Variants in ZFYVE28 observed in about 807,000 individuals in gnomAD.
The protein encoded by ZFYVE28 is zinc finger FYVE-type containing 28, also known as lateral signaling target protein 2 homolog.
Under a neutral mutation model 82.1 loss-of-function variants are expected in ZFYVE28, and 40 were observed. The observed-to-expected ratio is 0.49, with a 90% CI of 0.38 to 0.63. ZFYVE28 has a LOEUF of 0.63. ZFYVE28 is among the 30% of genes least tolerant of loss of function. The pLI, the probability that ZFYVE28 is intolerant of heterozygous loss-of-function variation, is 0.00. For synonymous variants in ZFYVE28, 612 were observed against 546.1 expected (o/e 1.12, Z -1.68); for missense variants, 1,321 against 1,242.1 (o/e 1.06, Z -0.96).
chr4:2,321,887 C>T lies in ZFYVE28; in HGVS notation c.702-1616G>A, dbSNP rs1057076201. Among the ~76,000 whole-genome samples the T allele has an allele frequency of 1.4e-4, 21 of 152,220 alleles. No homozygotes were observed. In the East Asian group the frequency reaches 3.9e-3, roughly 28 times the overall value. On this transcript the variant is annotated intron_variant, in intron 6 of 12. Coordinates refer to ENST00000290974, the MANE Select transcript of ZFYVE28 (RefSeq NM_020972.3). ...GGACCCAGCTGCCCCCCAGGGCAGTCAGCAGGAGTGGGGGGACAAGGCCCA... is the reference window on the plus strand; with the variant it reads ...GGACCCAGCTGCCCCCCAGGGCAGTTAGCAGGAGTGGGGGGACAAGGCCCA...
intron 1 of ZFYVE28, among the ~76,000 whole-genome samples, chr4:2,411,478 GT>G (rs1732516515): frequency 6.6e-6 from 1 of 151,928 alleles, no homozygotes; most frequent in Non-Finnish European, 1.5e-5. Flanking sequence ...CAATATCTAA[GT>G]TTTTTTTGCA....
intron 8 of ZFYVE28, among the ~76,000 whole-genome samples, chr4:2,291,060 G>C (rs1046925750): frequency 6.6e-6 from 1 of 152,214 alleles, no homozygotes; most frequent in African/African-American, 2.4e-5. Context: ...CCCGGCACAC[G>C]AGCGGGAGGA....
chr4:2,406,441 G>A (rs769726398), intron 1 of ZFYVE28: 9 of 152,288 alleles, frequency 5.9e-5, no homozygotes, highest in Non-Finnish European at 1.2e-4. Flanking sequence ...CAGGATTAAA[G>A]AGGTGGGGCA....
intron 7 of ZFYVE28, among the ~76,000 whole-genome samples, chr4:2,312,125 G>C (rs1717548245): frequency 1.3e-5 from 2 of 151,370 alleles, no homozygotes; most frequent in Admixed American, 6.6e-5. Context: ...ACTCAGGCTG[G>C]TCTCGAACTC....
rs753301699 is a variant in ZFYVE28, at chr4:2,305,254, C to T, written c.1086G>A (p.Pro362=). The part of the protein sequence containing the change: ...AGDEMSSLLS[P]PIACQSPAHR... ...GAGCTGGGGACTGGCAGGCAATGGG[C>T]GGTGAAAGCAAAGAGGACATCTCGT... is the stretch of plus-strand genomic sequence containing the variant. The change falls in exon 8 of 13, where the codon CCG becomes CCA. Residue 362 remains proline (P), a synonymous_variant. Transcript: ENST00000290974. 1.9e-5 allele frequency: 30 copies of T among 1,612,368 alleles called. No individual in the cohort carries two copies. The highest frequency in any genetic ancestry group is 1.8e-4 in the Admixed American group (11 of 59,976).
At chr4:2,279,463 G>A (rs916671238) in intron 8 of ZFYVE28, among the ~76,000 whole-genome samples, 4 of 152,014 alleles carry the variant, frequency 2.6e-5, no homozygotes, top group Admixed American at 6.6e-5. Context: ...CCATCGTGCT[G>A]AGTGAAAGAA....
At position 2,297,558 on chromosome 4, in the gene ZFYVE28, C is replaced by T. The variant is rs539144468; in HGVS notation, c.2051+6731G>A. Among the ~76,000 whole-genome samples, 317 of 152,328 alleles carry T rather than the reference C, an allele frequency of 2.1e-3. 2 individuals are homozygous for T. The highest frequency in any genetic ancestry group is 7.2e-3 in the African/African-American group (300 of 41,574). Reference sequence around the variant, plus strand: ...GGGATAGCTGTCACCGCCAGAAGAGCGGGGGACAGAGATGTGAATCCAGGA... The same window carrying T: ...GGGATAGCTGTCACCGCCAGAAGAGTGGGGGACAGAGATGTGAATCCAGGA... On this transcript the variant is annotated intron_variant, in intron 8 of 12. Transcript: ENST00000290974.
At chr4:2,271,283 G>A (rs374341546) in intron 12 of ZFYVE28, 28 bp downstream of exon 12, 11 of 1,604,394 alleles carry the variant, frequency 6.9e-6, no homozygotes, top group Admixed American at 1.7e-5. Context: ...GATGCTGAGG[G>A]ACCCTCCGTG....
rs371155359 is a variant in ZFYVE28 at position 2,336,733 on chromosome 4, A to T, written c.611+674T>A. Reference sequence around the variant, plus strand: ...TAAGGAGCTAAGGAGTAAGGAGGTGAGGAGTAAGGAGGTGAGGAATGATGA... The same window carrying T: ...TAAGGAGCTAAGGAGTAAGGAGGTGTGGAGTAAGGAGGTGAGGAATGATGA... On this transcript the variant is annotated intron_variant, in intron 5 of 12. Coordinates refer to ENST00000290974, the MANE Select transcript of ZFYVE28 (RefSeq NM_020972.3). 1.9e-3 allele frequency among the ~76,000 whole-genome samples: 281 copies of T among 146,726 alleles called. 1 individual carries two copies. The highest frequency in any genetic ancestry group is 6.6e-3 in the African/African-American group (263 of 40,152).
At position 2,349,890 on chromosome 4, in the gene ZFYVE28, G is replaced by C. The variant is rs552985475; in HGVS notation, c.180+4043C>G. Among the ~76,000 whole-genome samples the C allele has an allele frequency of 1.6e-4, 24 of 152,278 alleles. No individual in the cohort carries two copies. The South Asian group carries it at 4.8e-3, about 30-fold the overall frequency. Reference sequence around the variant, plus strand: ...AACTGCCTTGGCCTGACAAAGGGTAGCTACGAAAATCCTACAGCTAACATC... The same window carrying C: ...AACTGCCTTGGCCTGACAAAGGGTACCTACGAAAATCCTACAGCTAACATC... On this transcript the variant is annotated intron_variant, in intron 2 of 12. Coordinates refer to ENST00000290974, the MANE Select transcript of ZFYVE28 (RefSeq NM_020972.3).
At chr4:2,342,171 G>A (rs1422452623) in intron 2 of ZFYVE28, among the ~76,000 whole-genome samples, 1 of 152,190 alleles carries the variant, frequency 6.6e-6, no homozygotes, top group Non-Finnish European at 1.5e-5. Flanking sequence ...GGCACAGCTG[G>A]GGCCTGCTCC....
At chr4:2,351,607 A>C (rs1368485856) in intron 2 of ZFYVE28, among the ~76,000 whole-genome samples, 1 of 152,146 alleles carries the variant, frequency 6.6e-6, no homozygotes, top group Non-Finnish European at 1.5e-5. Context: ...CCAGCTACTC[A>C]GGAGGCTAAG....
intron 1 of ZFYVE28, among the ~76,000 whole-genome samples, chr4:2,377,772 GT>G (rs1224889723): frequency 6.6e-6 from 1 of 152,196 alleles, no homozygotes; most frequent in Non-Finnish European, 1.5e-5. Flanking sequence ...ATACATCTCA[GT>G]GTGGATTTAC....
At chr4:2,316,625 T>A (rs1718245999) in intron 7 of ZFYVE28, 1 of 152,228 alleles carries the variant, frequency 6.6e-6, no homozygotes, top group Non-Finnish European at 1.5e-5. Context: ...TTGGGAGTAG[T>A]TATCTGGATC....
intron 1 of ZFYVE28, among the ~76,000 whole-genome samples, chr4:2,398,984 T>G (rs1316037631): frequency 3.3e-5 from 3 of 89,696 alleles, no homozygotes; most frequent in Non-Finnish European, 6.7e-5. Flanking sequence ...ACAAGGTCAG[T>G]GGCGAGATTG....
intron 1 of ZFYVE28, among the ~76,000 whole-genome samples, chr4:2,412,252 G>C (rs755555330): frequency 1.3e-5 from 2 of 152,174 alleles, no homozygotes; most frequent in Non-Finnish European, 2.9e-5. Flanking sequence ...ACTGGAAGCT[G>C]TGATGGCCTC....
chr4:2,302,745 ACGGT>A (rs1029326690), intron 8 of ZFYVE28, among the ~76,000 whole-genome samples: 2 of 152,240 alleles, frequency 1.3e-5, no homozygotes, highest in African/African-American at 4.8e-5. Flanking sequence ...GAAATGAAAG[ACGGT>A]CTCCCCATGC....
Position 2,320,400 on chromosome 4 carries a change from C to T in ZFYVE28, c.702-129G>A, listed in dbSNP as rs1324020668. The T allele has an allele frequency of 2.2e-5, 15 of 677,568 alleles. No homozygotes were observed. The highest frequency in any genetic ancestry group is 8.1e-5 in the South Asian group (4 of 49,140). 42.0% of individuals were successfully genotyped at this position (677,568 alleles called of 1,614,324 possible). ...TGCAGCGCCACTGTCCCAGCACGGC[C>T]GCCGCCTCATGCTTTGCCTTGTGTG... On this transcript the variant is annotated intron_variant, in intron 6 of 12. Coordinates refer to ENST00000290974, the MANE Select transcript of ZFYVE28 (RefSeq NM_020972.3). This position sits in a 1 kb window ranked among gnomAD's most constrained non-coding sequence, Gnocchi z 5.1.
chr4:2,399,377 G>A (rs910692693), intron 1 of ZFYVE28, among the ~76,000 whole-genome samples: 13 of 152,278 alleles, frequency 8.5e-5, no homozygotes, highest in East Asian at 3.9e-4. Context: ...CCCTCTTTGC[G>A]GAGCTGGGCT....
Sources: allele counts gnomAD v4.1 joint callset (sites outside exome capture counted in the v4.1 genomes callset), GRCh38; gene constraint gnomAD v4.1.1; non-coding constraint Gnocchi (gnomAD v3.1); transcripts MANE v1.5; gene names NCBI Gene and HGNC (gene_info 2026-07-23, HGNC 2026-07-21).